Variants in ETV1 observed in about 807,000 individuals in gnomAD.
The protein encoded by ETV1 is ETS translocation variant 1.
A neutral mutation model predicts 62.3 loss-of-function variants in ETV1; 27 were observed. The observed-to-expected ratio is 0.43, with a 90% CI of 0.32 to 0.60. The LOEUF (loss-of-function observed/expected upper bound fraction) is 0.60, where lower values mean the gene tolerates loss of function less well. ETV1 is among the 20% of genes least tolerant of loss of function. The pLI is 0.06. For missense variants in ETV1, 605 were observed against 605.8 expected (o/e 1.00, Z 0.01); for synonymous variants, 222 against 199.6 (o/e 1.11, Z -0.94).
chr7:13,932,792 C>T (rs1175370141), intron 8 of ETV1, among the ~76,000 whole-genome samples: 1 of 152,094 alleles, frequency 6.6e-6, no homozygotes, highest in Non-Finnish European at 1.5e-5. Flanking sequence ...CTAATAACCC[C>T]CCCACTAAAA....
chr7:13,942,801 T>C (rs1017837273), intron 6 of ETV1, among the ~76,000 whole-genome samples: 3 of 152,174 alleles, frequency 2.0e-5, no homozygotes, highest in Admixed American at 2.0e-4. Context: ...ATGAACTCTA[T>C]AGCTAATAAA....
At chr7:13,989,730 T>C (rs986989841), upstream of ETV1, 1 of 397,830 alleles carries the variant, frequency 2.5e-6, no homozygotes, top group Non-Finnish European at 4.4e-6. Context: ...TCCAAACTGA[T>C]GGATCGCTGC....
Position 13,960,033 on chromosome 7 carries a change from C to T in ETV1, c.235+17394G>A, listed in dbSNP as rs142415296. ...CCTACCACATAAAATAAAGAGCAGG[C>T]TCTTTCACAGATCTGTAATGTATTT... is the stretch of plus-strand genomic sequence containing the variant. On this transcript the variant is annotated intron_variant, in intron 6 of 13. Coordinates refer to ENST00000430479, the MANE Select transcript of ETV1 (RefSeq NM_004956.5). Among the ~76,000 whole-genome samples the T allele has an allele frequency of 4.6e-3, 700 of 151,566 alleles. 7 individuals are homozygous for T. Among genetic ancestry groups the T allele is most frequent in the African/African-American group, 0.016 (668 of 41,346 alleles).
Position 13,967,841 on chromosome 7 carries a change from T to A in ETV1, c.235+9586A>T, listed in dbSNP as rs6963875. On this transcript the variant is annotated intron_variant, in intron 6 of 13. Transcript: ENST00000430479. ...GAAACTTACATATTCTATGAGGTGG[T>A]AGCCCCCAAATATATTTATTTTCAT... 2.1e-3 allele frequency among the ~76,000 whole-genome samples: 326 copies of A among 152,236 alleles called. 3 individuals carry two copies. Among genetic ancestry groups the A allele is most frequent in the African/African-American group, 7.7e-3 (319 of 41,572 alleles).
intron 9 of ETV1, among the ~76,000 whole-genome samples, chr7:13,915,504 A>G (rs1334975515): frequency 6.6e-6 from 1 of 152,206 alleles, no homozygotes; most frequent in African/African-American, 2.4e-5. Context: ...TTTTAAACTT[A>G]GTACTTCACT....
chr7:13,963,592 CT>C (rs1790442846), intron 6 of ETV1, among the ~76,000 whole-genome samples: 1 of 150,630 alleles, frequency 6.6e-6, no homozygotes, highest in Non-Finnish European at 1.5e-5. Flanking sequence ...GAGAAGTTTA[CT>C]GATGACTTCT....
chr7:13,908,263 A>G (rs1353274442), intron 11 of ETV1, among the ~76,000 whole-genome samples: 4 of 152,164 alleles, frequency 2.6e-5, no homozygotes. Flanking sequence ...TAATCAAGGC[A>G]GCTTGTTCCC....
chr7:13,988,912 C>G, intron 3 of ETV1, 96 bp downstream of exon 3: 1 of 1,501,368 alleles, frequency 6.7e-7, no homozygotes. Context: ...TATCTGCAAT[C>G]CCAACCCCCG....
chr7:13,942,628 C>G lies in ETV1; in HGVS notation c.236-3382G>C, dbSNP rs149031895. On this transcript the variant is annotated intron_variant, in intron 6 of 13. Transcript: ENST00000430479. ...TCCATGTGTTCTCATCATCTAGCTC[C>G]TACTTATAAGTGAGAACATGCATAT... is the stretch of plus-strand genomic sequence containing the variant. Among the ~76,000 whole-genome samples, 841 of 152,214 alleles carry G rather than the reference C, an allele frequency of 5.5e-3. 9 individuals are homozygous for G. The highest frequency in any genetic ancestry group is 0.019 in the African/African-American group (808 of 41,542).
At chr7:13,933,982 C>G (rs1243890755) in intron 8 of ETV1, among the ~76,000 whole-genome samples, 1 of 152,202 alleles carries the variant, frequency 6.6e-6, no homozygotes, top group Non-Finnish European at 1.5e-5. Context: ...GCGAATTATA[C>G]AATCTATAAT....
chr7:13,956,317 C>T (rs1254071821), intron 6 of ETV1, among the ~76,000 whole-genome samples: 7 of 149,368 alleles, frequency 4.7e-5, no homozygotes, highest in Non-Finnish European at 1.0e-4. Flanking sequence ...TGCTAGTTCA[C>T]AGGATTTTTT....
chr7:13,952,026 G>A (rs941317087), intron 6 of ETV1, among the ~76,000 whole-genome samples: 12 of 151,428 alleles, frequency 7.9e-5, no homozygotes, highest in African/African-American at 2.4e-5. Flanking sequence ...TTCTCTATCA[G>A]TCAACTACAC....
chr7:13,952,513 T>C (rs1788945200), intron 6 of ETV1, among the ~76,000 whole-genome samples: 1 of 151,954 alleles, frequency 6.6e-6, no homozygotes, highest in South Asian at 2.1e-4. Flanking sequence ...TTAATCACCA[T>C]GAAAAAGCAA....
At chr7:13,974,557 G>T (rs1008115902) in intron 6 of ETV1, among the ~76,000 whole-genome samples, 2 of 152,216 alleles carry the variant, frequency 1.3e-5, no homozygotes, top group Admixed American at 6.5e-5. Flanking sequence ...TGACTCAGAA[G>T]TTCAGTCAAG....
In ETV1 at chr7:13,935,736, G is replaced by A. The variant is rs1040534574; in HGVS notation, c.526C>T (p.Pro176Ser). The A allele has an allele frequency of 4.3e-6, 7 of 1,613,752 alleles. No individual in the cohort carries two copies. The Admixed American group carries it at 1.0e-4, about 23-fold the overall frequency. ...TGGTCCATGGGGTAGCTGCTATCTGGTATGGACTGCGATGGAGGGAGGTGA... is the reference window on the plus strand; with the variant it reads ...TGGTCCATGGGGTAGCTGCTATCTGATATGGACTGCGATGGAGGGAGGTGA... ...PAHLPPSQSI[P>S]DSSYPMDHRF... The change falls in exon 8 of 14, where the codon CCA becomes TCA. Residue 176 changes from proline to serine, a missense_variant. Coordinates refer to ENST00000430479, the MANE Select transcript of ETV1 (RefSeq NM_004956.5).
chr7:13,946,563 T>C (rs1031308515), intron 6 of ETV1, among the ~76,000 whole-genome samples: 3 of 152,174 alleles, frequency 2.0e-5, no homozygotes, highest in East Asian at 1.9e-4. Context: ...CTATGACACA[T>C]CATTGCTTTC....
chr7:13,968,778 G>C (rs1365179502), intron 6 of ETV1, among the ~76,000 whole-genome samples: 1 of 151,830 alleles, frequency 6.6e-6, no homozygotes, highest in Non-Finnish European at 1.5e-5. Context: ...GGGCCTAAAA[G>C]ATTTGTTTCC....
chr7:13,923,745 A>C (rs1785108178), intron 9 of ETV1, among the ~76,000 whole-genome samples: 1 of 152,112 alleles, frequency 6.6e-6, no homozygotes, highest in Non-Finnish European at 1.5e-5. Flanking sequence ...TTTTAAATGA[A>C]GAATGGGCCA....
At chr7:13,965,213 A>T (rs1790646450) in intron 6 of ETV1, among the ~76,000 whole-genome samples, 1 of 152,172 alleles carries the variant, frequency 6.6e-6, no homozygotes, top group Admixed American at 6.5e-5. Flanking sequence ...AAATAAGAGA[A>T]AATATTTGAG....
Sources: gnomAD v4.1 joint callset for allele counts (sites outside exome capture counted in the v4.1 genomes callset) on GRCh38, gnomAD v4.1.1 for gene constraint, MANE v1.5 for transcripts, NCBI Gene and HGNC (gene_info 2026-07-23, HGNC 2026-07-21) for gene names.